The following TEC variants were observed in gnomAD, a reference collection of about 807,000 sequenced individuals.
TEC encodes tec protein tyrosine kinase, also known as tyrosine-protein kinase Tec.
A neutral mutation model predicts 93.0 loss-of-function variants in TEC; 72 were observed. The observed-to-expected ratio is 0.77, with a 90% confidence interval of 0.64 to 0.94. TEC has a LOEUF of 0.94. Ranked by LOEUF, TEC falls within the 40% of genes least tolerant of loss-of-function variation. The pLI is 0.00. For missense variants in TEC, 630 were observed against 757.9 expected (o/e 0.83, Z 1.98); for synonymous variants, 249 against 247.7 (o/e 1.01, Z -0.05).
intron 1 of TEC, among the ~76,000 whole-genome samples, chr4:48,232,310 CAAA>C (rs59709229): frequency 6.8e-6 from 1 of 147,984 alleles, no homozygotes; most frequent in Non-Finnish European, 1.5e-5. Context: ...AAAAACAAAA[CAAA>C]AAAAAAACAC....
At chr4:48,217,557 T>C (rs1192757361) in intron 2 of TEC, among the ~76,000 whole-genome samples, 1 of 152,180 alleles carries the variant, frequency 6.6e-6, no homozygotes, top group African/African-American at 2.4e-5. Context: ...CGTGAAGTCA[T>C]TGTATGGACT....
intron 2 of TEC, among the ~76,000 whole-genome samples, chr4:48,181,052 A>G (rs1721563234): frequency 6.6e-6 from 1 of 152,142 alleles, no homozygotes; most frequent in Non-Finnish European, 1.5e-5. Flanking sequence ...GAGGGGGGCT[A>G]ACGGATTTTG....
At chr4:48,179,000 C>T (rs934733056) in intron 2 of TEC, among the ~76,000 whole-genome samples, 2 of 152,186 alleles carry the variant, frequency 1.3e-5, no homozygotes, top group African/African-American at 4.8e-5. Context: ...AAGCCACCTT[C>T]TGAGATTTGC....
In TEC at chr4:48,145,325, A is replaced by G. The variant is rs753599587; in HGVS notation, c.1254-30T>C. The G allele has an allele frequency of 1.9e-6, 3 of 1,611,678 alleles. No homozygotes were observed. The African/African-American group carries it at 4.0e-5, about 22-fold the overall frequency. On this transcript the variant is annotated intron_variant, in intron 13 of 17. Coordinates refer to ENST00000381501, the MANE Select transcript of TEC (RefSeq NM_003215.3). The stretch of plus-strand genomic sequence containing the variant: ...GAAGGAAGACATATATATAGTTACT[A>G]TAGGAAAAGAAACTACCAAGTTTTT...
rs12644842 is a variant in TEC at position 48,242,056 on chromosome 4, G to A, written c.-45-13397C>T. Among the ~76,000 whole-genome samples, 335 of 152,288 alleles carry A rather than the reference G, an allele frequency of 2.2e-3. 16 individuals are homozygous for A. The East Asian group carries it at 0.061, about 28-fold the overall frequency. On this transcript the variant is annotated intron_variant, in intron 1 of 17. Coordinates refer to ENST00000381501, the MANE Select transcript of TEC (RefSeq NM_003215.3). Reference sequence around the variant, plus strand: ...ACGCATGACATTACAATCTATTAAGGACTTTAAAAGTGGTAATGTGCAGTG... The same window carrying A: ...ACGCATGACATTACAATCTATTAAGAACTTTAAAAGTGGTAATGTGCAGTG...
At chr4:48,202,239 T>G (rs1722548971) in intron 2 of TEC, among the ~76,000 whole-genome samples, 1 of 152,178 alleles carries the variant, frequency 6.6e-6, no homozygotes, top group African/African-American at 2.4e-5. Context: ...TAAGAAATTT[T>G]ATTTACTCAA....
intron 2 of TEC, among the ~76,000 whole-genome samples, chr4:48,217,915 T>C (rs1345468089): frequency 6.6e-6 from 1 of 151,110 alleles, no homozygotes; most frequent in Non-Finnish European, 1.5e-5. Context: ...GGAATGTTAG[T>C]ATCCCCCTAT....
Position 48,166,722 on chromosome 4 carries a change from C to T in TEC, c.671+1056G>A, listed in dbSNP as rs547607051. ...ACAAAAAAAAATTAAAAATAGAAAT[C>T]AATCTTATACAGCATCCGATAAAGA... On this transcript the variant is annotated intron_variant, in intron 7 of 17. Transcript: ENST00000381501. Among the ~76,000 whole-genome samples the T allele has an allele frequency of 5.9e-5, 9 of 151,806 alleles. No homozygotes were observed. In the East Asian group the frequency reaches 1.7e-3, roughly 29 times the overall value.
At chr4:48,233,458 T>G (rs1242053088) in intron 1 of TEC, among the ~76,000 whole-genome samples, 1 of 150,198 alleles carries the variant, frequency 6.7e-6, no homozygotes, top group Non-Finnish European at 1.5e-5. Flanking sequence ...AAACTACAGG[T>G]GCACATGACC....
chr4:48,176,862 T>G (rs1488676870), intron 2 of TEC, among the ~76,000 whole-genome samples: 2 of 152,164 alleles, frequency 1.3e-5, no homozygotes, highest in African/African-American at 4.8e-5. Context: ...CCAAGCAAAA[T>G]TCCATTTACT....
chr4:48,137,376 C>T lies in TEC; in HGVS notation c.*40G>A. The T allele has an allele frequency of 6.5e-7, 1 of 1,550,318 alleles. No individual in the cohort carries two copies. The highest frequency in any genetic ancestry group is 8.9e-7 in the Non-Finnish European group (1 of 1,125,928). On this transcript the variant is annotated 3_prime_UTR_variant, in exon 18 of 18. Transcript: ENST00000381501. The stretch of plus-strand genomic sequence containing the variant: ...AAAAGCCACAAAATGCCCATCCTTC[C>T]TTGTGCTTGGGAATCTGGGAGCCAC...
At chr4:48,223,450 C>T (rs762766004) in intron 2 of TEC, among the ~76,000 whole-genome samples, 3 of 151,778 alleles carry the variant, frequency 2.0e-5, no homozygotes, top group Non-Finnish European at 2.9e-5. Context: ...GGAAGGTGTG[C>T]GCAATCTCTT....
chr4:48,217,406 A>G (rs1335471739), intron 2 of TEC, among the ~76,000 whole-genome samples: 1 of 152,154 alleles, frequency 6.6e-6, no homozygotes, highest in Non-Finnish European at 1.5e-5. Flanking sequence ...CCAGCCAGTA[A>G]TAAGTGATTT....
At chr4:48,182,904 G>A (rs1721649221) in intron 2 of TEC, among the ~76,000 whole-genome samples, 1 of 152,088 alleles carries the variant, frequency 6.6e-6, no homozygotes, top group Non-Finnish European at 1.5e-5. Flanking sequence ...TTTATCTCAG[G>A]ACACCCTCTT....
At chr4:48,242,055 G>A (rs775134957) in intron 1 of TEC, among the ~76,000 whole-genome samples, 22 of 152,160 alleles carry the variant, frequency 1.4e-4, no homozygotes, top group Non-Finnish European at 2.9e-5. Flanking sequence ...AATCTATTAA[G>A]GACTTTAAAA....
At chr4:48,185,710 T>C (rs1349580939) in intron 2 of TEC, among the ~76,000 whole-genome samples, 2 of 152,290 alleles carry the variant, frequency 1.3e-5, no homozygotes, top group South Asian at 4.1e-4. Context: ...TTAAAGATTA[T>C]AGTTTTTAAA....
chr4:48,246,639 C>T (rs1334393695), intron 1 of TEC, among the ~76,000 whole-genome samples: 1 of 152,034 alleles, frequency 6.6e-6, no homozygotes, highest in Admixed American at 6.6e-5. Context: ...TTATTTTTGA[C>T]CAAGATGTCA....
At chr4:48,170,194 A>C in intron 5 of TEC, 54 bp downstream of exon 5, 4 of 1,409,072 alleles carry the variant, frequency 2.8e-6, no homozygotes, top group Non-Finnish European at 4.0e-6. Context: ...TTACCATACC[A>C]ATAATACGTT....
chr4:48,145,631 G>C, intron 12 of TEC, 52 bp from the exon 13 acceptor site: 2 of 1,585,424 alleles, frequency 1.3e-6, no homozygotes, highest in Non-Finnish European at 1.7e-6. Context: ...AATGTAGCAT[G>C]AATCAGAGAG....
Sources: gnomAD v4.1 joint callset for allele counts (sites outside exome capture counted in the v4.1 genomes callset) on GRCh38, gnomAD v4.1.1 for gene constraint, MANE v1.5 for transcripts, NCBI Gene and HGNC (gene_info 2026-07-23, HGNC 2026-07-21) for gene names.